The following NCAM2 variants were observed in gnomAD, a reference collection of about 807,000 sequenced individuals.
NCAM2 encodes the protein N-CAM-2.
A neutral mutation model predicts 98.1 loss-of-function variants in NCAM2; 30 were observed. The ratio of observed to expected loss-of-function variants is 0.31; its 90% CI spans 0.23 to 0.41. NCAM2 has a LOEUF of 0.41. Among genes scored for constraint, NCAM2 ranks in the 10% least tolerant of loss-of-function variants. NCAM2 has a pLI of 1.00. For synonymous variants in NCAM2, 368 were observed against 342.4 expected, an observed-to-expected ratio of 1.07 and a Z score of -0.83; for missense variants, 867 against 1,005.8, an observed-to-expected ratio of 0.86 and a Z score of 1.87.
intron 1 of NCAM2, among the ~76,000 whole-genome samples, chr21:21,265,194 G>C (rs1601811236): frequency 8.4e-6 from 1 of 119,482 alleles, no homozygotes; most frequent in South Asian, 2.5e-4. Context: ...TAATATATGT[G>C]TGTATGTATG....
chr21:21,113,640 GCA>G (rs2066496952), intron 1 of NCAM2, among the ~76,000 whole-genome samples: 2 of 151,966 alleles, frequency 1.3e-5, no homozygotes, highest in Admixed American at 1.3e-4. Context: ...TTCCAAAAAC[GCA>G]CAAAGTGTGT....
At chr21:21,017,603 T>C (rs2146170674) in intron 1 of NCAM2, among the ~76,000 whole-genome samples, 1 of 152,100 alleles carries the variant, frequency 6.6e-6, no homozygotes, top group African/African-American at 2.4e-5. Flanking sequence ...AAGTGAGCTA[T>C]ACTATTCCTC....
At chr21:21,267,439 ACAG>A (rs1303021129) in intron 1 of NCAM2, among the ~76,000 whole-genome samples, 1 of 152,204 alleles carries the variant, frequency 6.6e-6, no homozygotes, top group Admixed American at 6.5e-5. Flanking sequence ...TATAACTTCT[ACAG>A]CTTGTTGTAC....
chr21:21,266,211 C>T (rs972120957), intron 1 of NCAM2, among the ~76,000 whole-genome samples: 1 of 152,002 alleles, frequency 6.6e-6, no homozygotes, highest in Non-Finnish European at 1.5e-5. Flanking sequence ...AGTAGAGTTG[C>T]ATCTTTTTAT....
intron 1 of NCAM2, among the ~76,000 whole-genome samples, chr21:21,038,877 A>G (rs2064849048): frequency 1.3e-5 from 2 of 152,188 alleles, no homozygotes; most frequent in African/African-American, 2.4e-5. Flanking sequence ...CCGCTAAAAC[A>G]TGGCAGAACC....
At chr21:21,212,276 G>T (rs1352422985) in intron 1 of NCAM2, among the ~76,000 whole-genome samples, 1 of 152,146 alleles carries the variant, frequency 6.6e-6, no homozygotes, top group East Asian at 1.9e-4. Context: ...CACGAATTAT[G>T]CAGAATGAAA....
intron 1 of NCAM2, among the ~76,000 whole-genome samples, chr21:21,014,407 G>A (rs146749014): frequency 0.049 from 7,292 of 148,496 alleles, 219 homozygotes; most frequent in Non-Finnish European, 0.058. Context: ...CTGGGCAATG[G>A]AGTGAGACTC....
intron 1 of NCAM2, among the ~76,000 whole-genome samples, chr21:21,123,848 C>CTTTTTTTT (rs71193401): frequency 0.039 from 3,352 of 86,540 alleles, 283 homozygotes; most frequent in African/African-American, 0.053. Flanking sequence ...TTCTTGATTG[C>CTTTTTTTT]TTTTTTTTTT....
At chr21:21,503,614 A>G (rs142269846) in intron 15 of NCAM2, among the ~76,000 whole-genome samples, 460 of 152,114 alleles carry the variant, frequency 3.0e-3, no homozygotes, top group Admixed American at 7.8e-3. Flanking sequence ...GCAGAATGCA[A>G]AACTGGATGA....
At chr21:21,056,490 CTGTGTGTGTGTGTG>C (rs10685980) in intron 1 of NCAM2, among the ~76,000 whole-genome samples, 5 of 138,434 alleles carry the variant, frequency 3.6e-5, no homozygotes, top group Middle Eastern at 3.5e-3. Context: ...AGAGATATGT[CTGTGTGTGTGTGTG>C]TGTGTGTGTG....
At chr21:21,365,238 C>CGTGCGTGTGTGTGTGTGTGT (rs1210171656) in intron 8 of NCAM2, among the ~76,000 whole-genome samples, 2 of 146,902 alleles carry the variant, frequency 1.4e-5, no homozygotes, top group Non-Finnish European at 3.0e-5. Flanking sequence ...TTGCTTAGTG[C>CGTGCGTGTGTGTGTGTGTGT]GTGTGTGTGT....
At chr21:21,353,040 G>A (rs1234047848) in intron 8 of NCAM2, among the ~76,000 whole-genome samples, 1 of 151,960 alleles carries the variant, frequency 6.6e-6, no homozygotes, top group African/African-American at 2.4e-5. Context: ...TTTTAGTAGA[G>A]ATGGGGTTTC....
At chr21:21,072,014 G>A (rs533683760) in intron 1 of NCAM2, among the ~76,000 whole-genome samples, 239 of 151,686 alleles carry the variant, frequency 1.6e-3, no homozygotes, top group Middle Eastern at 3.4e-3. Flanking sequence ...CCGGGTTCAC[G>A]CCATTCTCCT....
rs141499528 is a variant in NCAM2, at chr21:21,537,918, C to A, written c.2475C>A (p.Asn825Lys). The A allele has an allele frequency of 6.3e-7, 1 of 1,578,364 alleles. No homozygotes were observed. Reference sequence around the variant, plus strand: ...AAACTATAGAAATTAAAGTTTCTAACGACATCATTCAATCAAAAGAAGACG... The same window carrying A: ...AAACTATAGAAATTAAAGTTTCTAAAGACATCATTCAATCAAAAGAAGACG... ...NPETIEIKVSNDIIQSKEDDS... is the reference protein window; with the variant it reads ...NPETIEIKVSKDIIQSKEDDS... Residue 825 changes from asparagine (N) to lysine (K), a missense_variant, in exon 18 of 18, where the codon AAC becomes AAA. By Grantham distance (94) the Asn-to-Lys change is moderately conservative. Transcript: ENST00000400546.
chr21:21,313,183 A>C (rs931708517), intron 5 of NCAM2, among the ~76,000 whole-genome samples: 1 of 151,822 alleles, frequency 6.6e-6, no homozygotes, highest in Non-Finnish European at 1.5e-5. Flanking sequence ...TCATTTAAAA[A>C]AATTTTCTCT....
chr21:21,130,472 T>G (rs892370922), intron 1 of NCAM2, among the ~76,000 whole-genome samples: 2 of 152,144 alleles, frequency 1.3e-5, no homozygotes, highest in Non-Finnish European at 2.9e-5. Context: ...TATTTGACTG[T>G]GTAACTGTGC....
chr21:21,319,104 G>T (rs941737522), intron 5 of NCAM2, among the ~76,000 whole-genome samples: 9 of 151,876 alleles, frequency 5.9e-5, no homozygotes, highest in Admixed American at 5.9e-4. Flanking sequence ...GTGACAGAGG[G>T]AGACCCTGTA....
chr21:21,284,039 G>T (rs1300566450), intron 2 of NCAM2, among the ~76,000 whole-genome samples, 155 bp from the exon 3 acceptor site: 1 of 151,844 alleles, frequency 6.6e-6, no homozygotes, highest in African/African-American at 2.4e-5. Context: ...ACTAACATTT[G>T]TGTTTACTTT....
chr21:21,199,775 T>C (rs1004596054), intron 1 of NCAM2, among the ~76,000 whole-genome samples: 3 of 152,128 alleles, frequency 2.0e-5, no homozygotes, highest in African/African-American at 7.2e-5. Flanking sequence ...AATGGAAGTT[T>C]TGTTGTCCTG....
Sources: allele counts gnomAD v4.1 joint callset (sites outside exome capture counted in the v4.1 genomes callset), GRCh38; gene constraint gnomAD v4.1.1; transcripts MANE v1.5; gene names NCBI Gene and HGNC (gene_info 2026-07-23, HGNC 2026-07-21).